Variants in LAMC2 observed in about 807,000 individuals in gnomAD.
The protein encoded by LAMC2 is laminin subunit gamma 2.
LAMC2 carries 97 observed loss-of-function variants against 140.2 expected under a neutral mutation model. The ratio of observed to expected loss-of-function variants is 0.69; its 90% CI spans 0.59 to 0.82. The LOEUF (loss-of-function observed/expected upper bound fraction) is 0.82. Among genes scored for constraint, LAMC2 ranks in the 40% least tolerant of loss-of-function variants. The pLI is 0.00. For missense variants in LAMC2, 1,402 were observed against 1,476.1 expected (o/e 0.95, Z 0.82); for synonymous variants, 513 against 540.2 (o/e 0.95, Z 0.70).
rs2477437 is a variant in LAMC2 at position 183,239,944 on chromosome 1, C to T, written c.3070-96C>T. ...TCATCTAATTTACTCCATCAGGGCCCGGCTGCCGCTGTATTTTTTCTATGG... is the reference window on the plus strand; with the variant it reads ...TCATCTAATTTACTCCATCAGGGCCTGGCTGCCGCTGTATTTTTTCTATGG... On this transcript the variant is annotated intron_variant, in intron 20 of 22. Transcript: ENST00000264144. 8.3e-3 allele frequency: 11,263 copies of T among 1,363,544 alleles called. 674 individuals carry two copies. The African/African-American group carries it at 0.14, about 16-fold the overall frequency. 84.5% of individuals were successfully genotyped at this position (1,363,544 alleles called of 1,614,324 possible).
intron 14 of LAMC2, 116 bp downstream of exon 14, chr1:183,232,973 C>G: frequency 2.1e-6 from 2 of 965,528 alleles, no homozygotes; most frequent in Non-Finnish European, 3.2e-6. Context: ...TCTGATCTAC[C>G]TGACAGGTTG....
chr1:183,239,691 C>T, intron 20 of LAMC2, 128 bp downstream of exon 20: 1 of 799,256 alleles, frequency 1.3e-6, no homozygotes, highest in Non-Finnish European at 2.0e-6. Flanking sequence ...CATGGGAGCC[C>T]CAGATTAAAA....
rs746923292 is a variant in LAMC2, at chr1:183,228,334, A to C, written c.1469-40A>C. Reference sequence around the variant, plus strand: ...GCCTCTGCGTCTGGTCTTCCTCCTGATGGATGTCGACCTAGGCTTGGTCAT... The same window carrying C: ...GCCTCTGCGTCTGGTCTTCCTCCTGCTGGATGTCGACCTAGGCTTGGTCAT... On this transcript the variant is annotated intron_variant, in intron 10 of 22. Coordinates refer to ENST00000264144, the MANE Select transcript of LAMC2 (RefSeq NM_005562.3). This position sits in a 1 kb window ranked among gnomAD's most constrained non-coding sequence, Gnocchi z 4.3. The C allele has an allele frequency of 6.2e-7, 1 of 1,613,904 alleles. No individual in the cohort carries two copies. Among genetic ancestry groups the C allele is most frequent in the Non-Finnish European group, 8.5e-7 (1 of 1,179,888 alleles).
chr1:183,196,225 C>T (rs965965594), intron 1 of LAMC2, among the ~76,000 whole-genome samples: 2 of 151,968 alleles, frequency 1.3e-5, no homozygotes, highest in East Asian at 3.9e-4. Flanking sequence ...GCAACCTCTG[C>T]CTACCGGGTT....
Position 183,227,522 on chromosome 1 carries a change from T to C in LAMC2, c.1293T>C (p.Cys431=). The C allele has an allele frequency of 6.2e-7, 1 of 1,613,882 alleles. No homozygotes were observed. Among genetic ancestry groups the C allele is most frequent in the Non-Finnish European group, 8.5e-7 (1 of 1,179,770 alleles). ...GGACDPDTGD[C]YSGDENPDIE... ...CTCTTCTCCTACCCCCAGGAGATTG[T>C]TATTCAGGGGATGAGAATCCTGACA... is the stretch of plus-strand genomic sequence containing the variant. Residue 431 remains cysteine (C), a synonymous_variant, in exon 10 of 23, where the codon TGT becomes TGC. Transcript: ENST00000264144.
rs1659820331 is a variant in LAMC2, at chr1:183,232,229, A to C, written c.1900A>C (p.Ile634Leu). Residue 634 changes from isoleucine (I) to leucine (L), a missense_variant, in exon 13 of 23, where the codon ATT becomes CTT. By Grantham distance (5) the Ile-to-Leu change is conservative. Transcript: ENST00000264144. ...GCAGCTTCAGAGAATGGAGGCCCTGATTTCAAAGGCTCAGGGTGGTGATGG... is the reference window on the plus strand; with the variant it reads ...GCAGCTTCAGAGAATGGAGGCCCTGCTTTCAAAGGCTCAGGGTGGTGATGG... ...MQQLQRMEAL[I>L]SKAQGGDGVV... The C allele has an allele frequency of 6.2e-7, 1 of 1,613,900 alleles. No homozygotes were observed. The highest frequency in any genetic ancestry group is 1.3e-5 in the African/African-American group (1 of 74,918).
chr1:183,192,178 G>T (rs763460375), intron 1 of LAMC2, among the ~76,000 whole-genome samples: 6 of 152,198 alleles, frequency 3.9e-5, no homozygotes, highest in Non-Finnish European at 7.3e-5. Flanking sequence ...CCCTTCTGTT[G>T]TATCAGGTGA....
At chr1:183,225,057 G>GAGATACTTC (rs3835739) in intron 7 of LAMC2, among the ~76,000 whole-genome samples, 44,351 of 151,744 alleles carry the variant, frequency 0.29, 8,063 homozygotes, top group African/African-American at 0.51. Flanking sequence ...GTTCCTGGAT[G>GAGATACTTC]AGTAAAAAAC....
intron 19 of LAMC2, 53 bp downstream of exon 19, chr1:183,238,474 C>A: frequency 1.7e-6 from 2 of 1,165,184 alleles, no homozygotes; most frequent in Non-Finnish European, 2.6e-6. Context: ...ATAGTCATGA[C>A]CAATTTCCTT....
intron 1 of LAMC2, among the ~76,000 whole-genome samples, chr1:183,187,555 T>C (rs112662537): frequency 6.6e-6 from 1 of 152,128 alleles, no homozygotes; most frequent in African/African-American, 2.4e-5. Context: ...CATATTAATT[T>C]GCCTGACTAG....
At chr1:183,223,677 C>G (rs1001361164) in intron 7 of LAMC2, among the ~76,000 whole-genome samples, 1 of 152,080 alleles carries the variant, frequency 6.6e-6, no homozygotes, top group African/African-American at 2.4e-5. Context: ...AGGCAGCCCT[C>G]TAAGGAAAGA....
chr1:183,241,603 T>C (rs113933822), intron 22 of LAMC2, among the ~76,000 whole-genome samples: 33 of 152,334 alleles, frequency 2.2e-4, no homozygotes, highest in African/African-American at 7.5e-4. Flanking sequence ...CAGTAACATT[T>C]AGGAAAATGT....
Position 183,243,697 on chromosome 1 carries a change from C to A in LAMC2, c.*297C>A, listed in dbSNP as rs886045631. On this transcript the variant is annotated 3_prime_UTR_variant, in exon 23 of 23. Transcript: ENST00000264144. ...GACAAACTGCACAGGCAGATGTTTGCCTCATAATAGTCGTAAGTGGAGTCC... is the reference window on the plus strand; with the variant it reads ...GACAAACTGCACAGGCAGATGTTTGACTCATAATAGTCGTAAGTGGAGTCC... 8.4e-5 allele frequency: 38 copies of A among 454,378 alleles called. No homozygotes were observed. Among genetic ancestry groups the A allele is most frequent in the Non-Finnish European group, 1.4e-4 (34 of 245,998 alleles). The allele number at this position is 454,378 out of a possible 1,614,324, so 28.1% of individuals were successfully genotyped here.
chr1:183,215,719 T>G (rs1659232937), intron 3 of LAMC2, 131 bp downstream of exon 3: 1 of 1,082,062 alleles, frequency 9.2e-7, no homozygotes, highest in Non-Finnish European at 1.4e-6. Flanking sequence ...TCATTTGGGC[T>G]ATCTACTTTA....
At chr1:183,241,625 A>G (rs1660137261) in intron 22 of LAMC2, among the ~76,000 whole-genome samples, 1 of 152,184 alleles carries the variant, frequency 6.6e-6, no homozygotes. Flanking sequence ...TGGCTCTGCT[A>G]TTCCAGTTCA....
At chr1:183,235,163 C>T (rs1659914085) in intron 15 of LAMC2, among the ~76,000 whole-genome samples, 1 of 152,150 alleles carries the variant, frequency 6.6e-6, no homozygotes, top group South Asian at 2.1e-4. Flanking sequence ...TATAGACATG[C>T]TTTGTCCCCC....
At chr1:183,233,001 G>C (rs930156891) in intron 14 of LAMC2, 144 bp downstream of exon 14, 30 of 775,678 alleles carry the variant, frequency 3.9e-5, no homozygotes, top group Non-Finnish European at 4.9e-5. Context: ...TCTTTTCCTT[G>C]CAACAGTCAC....
Position 183,243,440 on chromosome 1 carries a change from C to T in LAMC2, c.*40C>T, listed in dbSNP as rs985194656. ...TTTCTCAACTGAGGTTCTTGGGATA[C>T]AGATCTCAGGGCTCGGGAGCCATGT... On this transcript the variant is annotated 3_prime_UTR_variant, in exon 23 of 23. Transcript: ENST00000264144. 1 of 1,613,638 alleles carries T rather than the reference C, an allele frequency of 6.2e-7. No individual in the cohort carries two copies. Among genetic ancestry groups the T allele is most frequent in the East Asian group, 2.2e-5 (1 of 44,866 alleles).
In LAMC2 at chr1:183,243,460, C is replaced by A; in HGVS notation, c.*60C>A. The A allele has an allele frequency of 1.9e-6, 3 of 1,607,078 alleles. No homozygotes were observed. Among genetic ancestry groups the A allele is most frequent in the East Asian group, 2.2e-5 (1 of 44,844 alleles). Reference sequence around the variant, plus strand: ...GGATACAGATCTCAGGGCTCGGGAGCCATGTCATGTGAGTGGGTGGGATGG... The same window carrying A: ...GGATACAGATCTCAGGGCTCGGGAGACATGTCATGTGAGTGGGTGGGATGG... On this transcript the variant is annotated 3_prime_UTR_variant, in exon 23 of 23. Transcript: ENST00000264144.
Sources: gnomAD v4.1 joint callset for allele counts (sites outside exome capture counted in the v4.1 genomes callset) on GRCh38, gnomAD v4.1.1 for gene constraint, Gnocchi (gnomAD v3.1) non-coding constraint, MANE v1.5 for transcripts, NCBI Gene and HGNC (gene_info 2026-07-23, HGNC 2026-07-21) for gene names.